The following IL1RAP variants were observed in gnomAD, a reference collection of about 807,000 sequenced individuals.
IL1RAP encodes the protein interleukin 1 receptor accessory protein.
A neutral mutation model predicts 60.7 loss-of-function variants in IL1RAP; 35 were observed. That is an observed-to-expected ratio of 0.58 (90% CI 0.44 to 0.76). The LOEUF (loss-of-function observed/expected upper bound fraction) is 0.76. IL1RAP is among the 30% of genes least tolerant of loss of function. IL1RAP has a pLI of 0.00. For missense variants in IL1RAP, 572 were observed against 693.9 expected (o/e 0.82, Z 1.97); for synonymous variants, 268 against 250.9 (o/e 1.07, Z -0.64).
chr3:190,644,266 C>G lies in IL1RAP; in HGVS notation c.1070C>G (p.Thr357Arg), dbSNP rs776942883. 1.2e-6 allele frequency: 2 copies of G among 1,613,290 alleles called. No homozygotes were observed. The highest frequency in any genetic ancestry group is 2.7e-5 in the African/African-American group (2 of 74,886). The part of the protein sequence containing the change: ...VKQKVPAPRY[T>R]VELACGFGAT... ...ATTCCAGTGCCAGCTCCAAGATACACAGTGGAACTGGCTTGTGGTTTTGGA... is the reference window on the plus strand; with the variant it reads ...ATTCCAGTGCCAGCTCCAAGATACAGAGTGGAACTGGCTTGTGGTTTTGGA... Residue 357 changes from threonine to arginine, a missense_variant, in exon 10 of 12, where the codon ACA becomes AGA. By Grantham distance (71) the Thr-to-Arg change is moderately conservative. Coordinates refer to ENST00000447382, the MANE Select transcript of IL1RAP (RefSeq NM_002182.4).
chr3:190,575,767 A>G (rs1479401568), intron 3 of IL1RAP, among the ~76,000 whole-genome samples: 2 of 152,238 alleles, frequency 1.3e-5, no homozygotes, highest in East Asian at 1.9e-4. Flanking sequence ...TGATCTTGTG[A>G]GCTGCTATGT....
At chr3:190,612,624 G>C (rs184184497) in intron 5 of IL1RAP, among the ~76,000 whole-genome samples, 1 of 151,726 alleles carries the variant, frequency 6.6e-6, no homozygotes, top group Non-Finnish European at 1.5e-5. Context: ...GATAGTCCTC[G>C]ATTTACTATG....
chr3:190,590,587 G>A (rs1728862005), intron 3 of IL1RAP, among the ~76,000 whole-genome samples: 1 of 152,150 alleles, frequency 6.6e-6, no homozygotes, highest in African/African-American at 2.4e-5. Context: ...CACACTTATG[G>A]GCAGCGATGC....
chr3:190,601,400 G>A (rs894435908), intron 3 of IL1RAP, among the ~76,000 whole-genome samples: 1 of 152,186 alleles, frequency 6.6e-6, no homozygotes, highest in Non-Finnish European at 1.5e-5. Flanking sequence ...GCATTGATGT[G>A]AACAACACTG....
chr3:190,551,481 T>A (rs1396124795), intron 1 of IL1RAP, among the ~76,000 whole-genome samples: 1 of 152,228 alleles, frequency 6.6e-6, no homozygotes, highest in Non-Finnish European at 1.5e-5. Context: ...TACTCAATTA[T>A]TAAAGGCTGT....
chr3:190,578,609 A>G (rs757740407), intron 3 of IL1RAP, among the ~76,000 whole-genome samples: 2 of 152,044 alleles, frequency 1.3e-5, no homozygotes, highest in African/African-American at 2.4e-5. Context: ...GAAATTAGCA[A>G]CTCCCCACTT....
Position 190,525,515 on chromosome 3 carries a change from G to T in IL1RAP, c.-89+11296G>T, listed in dbSNP as rs1722432396. On this transcript the variant is annotated intron_variant, in intron 1 of 11. Coordinates refer to ENST00000447382, the MANE Select transcript of IL1RAP (RefSeq NM_002182.4). ...GAAGTCACTGAACAGACAGAAGCAG[G>T]ATGATGAGCAGGTCAAAGGTGTTTA... Among the ~76,000 whole-genome samples the T allele has an allele frequency of 3.9e-5, 6 of 152,182 alleles. No individual in the cohort carries two copies. In the South Asian group the frequency reaches 1.2e-3, roughly 31 times the overall value.
rs142276575 is a variant in IL1RAP at position 190,632,043 on chromosome 3, T to G, written c.1051+2545T>G. On this transcript the variant is annotated intron_variant, in intron 9 of 11. Transcript: ENST00000447382. ...GTCTCAAACTCCTGACCTCAGGTGA[T>G]CCTCCTGCCTCAGCCTCCCAAAGTG... Among the ~76,000 whole-genome samples, 85 of 152,216 alleles carry G rather than the reference T, an allele frequency of 5.6e-4. 1 individual carries two copies. The East Asian group carries it at 0.014, about 25-fold the overall frequency.
chr3:190,616,781 G>C (rs972497121), intron 5 of IL1RAP, among the ~76,000 whole-genome samples: 2 of 152,074 alleles, frequency 1.3e-5, no homozygotes, highest in African/African-American at 4.8e-5. Flanking sequence ...CATGCCTTTT[G>C]GGTCTTGGCT....
chr3:190,617,620 G>A (rs1187272234), intron 5 of IL1RAP, among the ~76,000 whole-genome samples: 2 of 152,164 alleles, frequency 1.3e-5, no homozygotes, highest in Admixed American at 6.5e-5. Context: ...TATTCTTGGA[G>A]AATCTAAATC....
At chr3:190,528,301 A>G (rs1722681447) in intron 1 of IL1RAP, among the ~76,000 whole-genome samples, 1 of 152,212 alleles carries the variant, frequency 6.6e-6, no homozygotes, top group Non-Finnish European at 1.5e-5. Context: ...CATTCCCCAT[A>G]CAATTAACAG....
chr3:190,620,758 C>T (rs940318508), intron 6 of IL1RAP, among the ~76,000 whole-genome samples: 1 of 152,100 alleles, frequency 6.6e-6, no homozygotes, highest in Non-Finnish European at 1.5e-5. Flanking sequence ...AGGTCCCTGT[C>T]TTTATCTGTA....
At chr3:190,645,642 T>C in intron 10 of IL1RAP, 57 bp from the exon 11 acceptor site, 1 of 1,379,574 alleles carries the variant, frequency 7.2e-7, no homozygotes, top group Non-Finnish European at 1.0e-6. Flanking sequence ...TTAAGAAAAA[T>C]GTAATGGTAT....
chr3:190,525,588 A>G (rs1179509966), intron 1 of IL1RAP, among the ~76,000 whole-genome samples: 1 of 152,210 alleles, frequency 6.6e-6, no homozygotes, highest in Non-Finnish European at 1.5e-5. Flanking sequence ...TATTTATAAG[A>G]TGAGAAGACC....
intron 3 of IL1RAP, among the ~76,000 whole-genome samples, chr3:190,591,425 T>G (rs1350859089): frequency 6.6e-6 from 1 of 152,110 alleles, no homozygotes; most frequent in Non-Finnish European, 1.5e-5. Context: ...TCCCCACCAC[T>G]ATCATATATT....
intron 1 of IL1RAP, among the ~76,000 whole-genome samples, chr3:190,543,433 T>A (rs549672024): frequency 6.6e-6 from 1 of 152,312 alleles, no homozygotes; most frequent in South Asian, 2.1e-4. Context: ...GGACCCTGTC[T>A]GCAAACGTCT....
chr3:190,633,404 T>G (rs1291430917), intron 9 of IL1RAP, among the ~76,000 whole-genome samples: 1 of 152,212 alleles, frequency 6.6e-6, no homozygotes, highest in East Asian at 1.9e-4. Context: ...TCACTTAGGC[T>G]GCAGTGCAGT....
In IL1RAP at chr3:190,648,995, T is replaced by C; in HGVS notation, c.*290T>C. 9.1e-7 allele frequency: 1 copy of C among 1,093,632 alleles called. No individual in the cohort carries two copies. The allele number at this position is 1,093,632 out of a possible 1,614,324, so 67.7% of individuals were successfully genotyped here. On this transcript the variant is annotated 3_prime_UTR_variant, in exon 12 of 12. Coordinates refer to ENST00000447382, the MANE Select transcript of IL1RAP (RefSeq NM_002182.4). ...CCTTCTACATTGTCTATCCCTGTTT[T>C]TATATGTCTCCATTCTTTTTAAAAT...
At chr3:190,607,725 GTGTT>G (rs1211558648) in intron 4 of IL1RAP, among the ~76,000 whole-genome samples, 1 of 152,150 alleles carries the variant, frequency 6.6e-6, no homozygotes. Context: ...GAATTGTTAT[GTGTT>G]TGTTTTTTTC....
Sources: allele counts gnomAD v4.1 joint callset (sites outside exome capture counted in the v4.1 genomes callset), GRCh38; gene constraint gnomAD v4.1.1; transcripts MANE v1.5; gene names NCBI Gene and HGNC (gene_info 2026-07-23, HGNC 2026-07-21).